The following SSH1 variants were observed in gnomAD, a reference collection of about 807,000 sequenced individuals.
The protein encoded by SSH1 is protein phosphatase Slingshot homolog 1.
In SSH1, 43 loss-of-function variants were observed where a neutral mutation model predicts 79.7. The observed-to-expected ratio is 0.54, with a 90% CI of 0.42 to 0.70. The LOEUF is 0.70. Ranked by LOEUF, SSH1 falls within the 30% of genes least tolerant of loss-of-function variation. The pLI, the probability that SSH1 is intolerant of heterozygous loss-of-function variation, is 0.00. For missense variants in SSH1, 1,206 were observed against 1,358.8 expected (o/e 0.89, Z 1.77); for synonymous variants, 599 against 538.3 (o/e 1.11, Z -1.56).
chr12:108,800,336 G>A (rs577794793), intron 12 of SSH1, among the ~76,000 whole-genome samples: 2 of 152,200 alleles, frequency 1.3e-5, no homozygotes, highest in African/African-American at 2.4e-5. Context: ...AAGAAGGGCC[G>A]TATTCTTAGG....
intron 2 of SSH1, among the ~76,000 whole-genome samples, chr12:108,836,369 T>C (rs1314082881): frequency 6.6e-6 from 1 of 152,186 alleles, no homozygotes; most frequent in East Asian, 1.9e-4. Flanking sequence ...GGCTCCTAAA[T>C]TTCATTTTCC....
intron 5 of SSH1, 155 bp from the exon 6 acceptor site, chr12:108,811,483 C>A (rs968080984): frequency 8.3e-6 from 6 of 724,068 alleles, no homozygotes; most frequent in Non-Finnish European, 1.5e-5. Flanking sequence ...TTCTAGAAGA[C>A]ACAGGTCTGG....
intron 1 of SSH1, chr12:108,853,117 A>C: frequency 1.0e-6 from 1 of 985,394 alleles, no homozygotes; most frequent in Non-Finnish European, 1.2e-6. Flanking sequence ...CATTTTCAAA[A>C]AACCAACCCA....
intron 2 of SSH1, 66 bp from the exon 3 acceptor site, chr12:108,823,427 C>G (rs770084015): frequency 7.5e-7 from 1 of 1,341,302 alleles, no homozygotes; most frequent in Non-Finnish European, 1.0e-6. Flanking sequence ...CAAAGAATTA[C>G]TGCAGGGGAA....
rs2036135902 is a variant in SSH1 at position 108,780,599 on chromosome 12, C to T, written c.*7389G>A. On this transcript the variant is annotated 3_prime_UTR_variant, in exon 15 of 15. Transcript: ENST00000326495. ...ACATACAGATTGCTGGGGCCCATCC[C>T]ACCCCATTCATGGCTGGAACCCAAA... 2 of 152,206 alleles carry T rather than the reference C, an allele frequency of 1.3e-5. No individual in the cohort carries two copies. The highest frequency in any genetic ancestry group is 6.5e-5 in the Admixed American group (1 of 15,274). The allele number at this position is 152,206 out of a possible 1,614,324, so 9.4% of individuals were successfully genotyped here.
intron 2 of SSH1, among the ~76,000 whole-genome samples, chr12:108,842,140 A>G (rs2038793421): frequency 6.6e-6 from 1 of 152,046 alleles, no homozygotes; most frequent in Admixed American, 6.6e-5. Context: ...AAAAGAAGAA[A>G]AGAGAGAGAG....
chr12:108,849,381 C>T (rs2038967418), intron 2 of SSH1, among the ~76,000 whole-genome samples: 1 of 151,840 alleles, frequency 6.6e-6, no homozygotes, highest in Non-Finnish European at 1.5e-5. Flanking sequence ...AGTGTGATCT[C>T]ATCTCTTCAA....
At chr12:108,853,150 G>A (rs1378650409) in intron 1 of SSH1, 1 of 985,278 alleles carries the variant, frequency 1.0e-6, no homozygotes, top group Admixed American at 6.2e-5. Flanking sequence ...ACAGTGGAAG[G>A]TGGCCAGGAA....
rs2036320687 is a variant in SSH1, at chr12:108,787,678, G to A, written c.*310C>T. On this transcript the variant is annotated 3_prime_UTR_variant, in exon 15 of 15. Coordinates refer to ENST00000326495, the MANE Select transcript of SSH1 (RefSeq NM_018984.4). Reference sequence around the variant, plus strand: ...AGGATGCGAAGGGAACAGTCTGGATGTGTGCGCCTATGTGTGCACGTTCTT... The same window carrying A: ...AGGATGCGAAGGGAACAGTCTGGATATGTGCGCCTATGTGTGCACGTTCTT... 2 of 426,636 alleles carry A rather than the reference G, an allele frequency of 4.7e-6. No individual in the cohort carries two copies. Among genetic ancestry groups the A allele is most frequent in the Non-Finnish European group, 8.7e-6 (2 of 228,580 alleles). The allele number at this position is 426,636 out of a possible 1,614,324, so 26.4% of individuals were successfully genotyped here. A position where few individuals can be genotyped will look rare whatever the true frequency, so the allele number is the denominator to read the frequency against.
chr12:108,815,257 C>G (rs937909631), intron 5 of SSH1, among the ~76,000 whole-genome samples: 1 of 152,170 alleles, frequency 6.6e-6, no homozygotes, highest in Admixed American at 6.5e-5. Context: ...TTCTGACTGT[C>G]ATGTGTAAAA....
chr12:108,799,460 T>C (rs557903365), intron 12 of SSH1, among the ~76,000 whole-genome samples: 3 of 152,298 alleles, frequency 2.0e-5, no homozygotes, highest in African/African-American at 4.8e-5. Context: ...GGCCTGGCCA[T>C]GTTTTGTTTG....
At chr12:108,847,250 C>T (rs1208334935) in intron 2 of SSH1, among the ~76,000 whole-genome samples, 1 of 152,140 alleles carries the variant, frequency 6.6e-6, no homozygotes, top group Non-Finnish European at 1.5e-5. Context: ...GTCACAGTGT[C>T]ATCCCTGTTT....
intron 2 of SSH1, among the ~76,000 whole-genome samples, chr12:108,851,415 T>C (rs541989028): frequency 2.6e-5 from 4 of 152,332 alleles, no homozygotes; most frequent in East Asian, 3.9e-4. Flanking sequence ...TATTTCCTTT[T>C]CCAATTAATT....
intron 14 of SSH1, chr12:108,791,841 G>T: frequency 2.3e-6 from 2 of 871,076 alleles, no homozygotes; most frequent in Non-Finnish European, 3.0e-6. Context: ...TCTGGGATTG[G>T]TTCCAGGATC....
At chr12:108,824,454 CAA>C (rs778260052) in intron 2 of SSH1, among the ~76,000 whole-genome samples, 5 of 113,610 alleles carry the variant, frequency 4.4e-5, no homozygotes, top group Non-Finnish European at 5.5e-5. Context: ...GACTGTGTCT[CAA>C]AAAAAAAAAA....
At chr12:108,791,046 T>C (rs1018981192) in intron 14 of SSH1, among the ~76,000 whole-genome samples, 2 of 152,204 alleles carry the variant, frequency 1.3e-5, no homozygotes, top group African/African-American at 2.4e-5. Context: ...AAGAGACTAA[T>C]GGAGTTAAGT....
At chr12:108,797,276 G>C (rs1240126467) in intron 13 of SSH1, among the ~76,000 whole-genome samples, 4 of 151,364 alleles carry the variant, frequency 2.6e-5, no homozygotes, top group Admixed American at 6.6e-5. Context: ...ACTGGTGCAC[G>C]CCACCACGCT....
rs184642045 is a variant in SSH1 at position 108,809,360 on chromosome 12, G to A, written c.536+333C>T. Among the ~76,000 whole-genome samples the A allele has an allele frequency of 8.0e-3, 1,211 of 151,580 alleles. 21 individuals carry two copies. Among genetic ancestry groups the A allele is most frequent in the African/African-American group, 0.028 (1,150 of 41,366 alleles). ...TAGTCCCAGCTACTTGGGAGGCTGA[G>A]GCAGGAGGATCACCTGAGCCTGGGA... On this transcript the variant is annotated intron_variant, in intron 7 of 14. Coordinates refer to ENST00000326495, the MANE Select transcript of SSH1 (RefSeq NM_018984.4).
In SSH1 at chr12:108,788,295, G is replaced by T. The variant is rs143754944; in HGVS notation, c.2843C>A (p.Pro948His). Residue 948 changes from proline to histidine, a missense_variant, in exon 15 of 15, where the codon CCC becomes CAC. By Grantham distance (77) the Pro-to-His change is moderately conservative (BLOSUM62 -2). This residue lies in a region of SSH1 where 709 missense variants were observed against 730.6 expected (regional missense o/e 0.97). Coordinates refer to ENST00000326495, the MANE Select transcript of SSH1 (RefSeq NM_018984.4). ...SDSIHSVRGK[P>H]GLVKQRTQEI... ...CTGTGTCCGCTGCTTCACCAGCCCG[G>T]GCTTCCCACGGACACTGTGGATGCT... is the stretch of plus-strand genomic sequence containing the variant. 222 of 1,613,386 alleles carry T rather than the reference G, an allele frequency of 1.4e-4. No individual in the cohort carries two copies. The highest frequency in any genetic ancestry group is 1.8e-4 in the Non-Finnish European group (211 of 1,179,970).
Sources: gnomAD v4.1 joint callset for allele counts (sites outside exome capture counted in the v4.1 genomes callset) on GRCh38, gnomAD v4.1.1 for gene constraint, gnomAD v4.1.1 regional missense constraint, MANE v1.5 for transcripts, NCBI Gene and HGNC (gene_info 2026-07-23, HGNC 2026-07-21) for gene names.